The following FUT8 variants were observed in gnomAD, a reference collection of about 807,000 sequenced individuals.
The protein encoded by FUT8 is alpha-(1,6)-fucosyltransferase.
In FUT8, 29 loss-of-function variants were observed where a neutral mutation model predicts 71.3. That is an observed-to-expected ratio of 0.41 (90% CI 0.30 to 0.55). The LOEUF is 0.55. Among genes scored for constraint, FUT8 ranks in the 20% least tolerant of loss-of-function variants. The probability of loss-of-function intolerance (pLI) is 0.34; values close to 1 mark genes in which losing one functional copy is unlikely to be tolerated. For synonymous variants in FUT8, 254 were observed against 239.3 expected (o/e 1.06, Z -0.57); for missense variants, 544 against 702.1 (o/e 0.77, Z 2.55).
At chr14:65,564,906 A>C (rs1886106771) in intron 3 of FUT8, among the ~76,000 whole-genome samples, 3 of 152,112 alleles carry the variant, frequency 2.0e-5, no homozygotes, top group Admixed American at 1.3e-4. Context: ...AATGTTGAGT[A>C]GTATTCCGTT....
chr14:65,508,761 C>T (rs1279399588), intron 2 of FUT8, among the ~76,000 whole-genome samples: 1 of 152,088 alleles, frequency 6.6e-6, no homozygotes, highest in Non-Finnish European at 1.5e-5. Flanking sequence ...TTCCGCCTCC[C>T]AAAGTGCTGG....
intron 9 of FUT8, among the ~76,000 whole-genome samples, chr14:65,730,421 C>G (rs1235103529): frequency 6.6e-6 from 1 of 152,182 alleles, no homozygotes; most frequent in African/African-American, 2.4e-5. Context: ...CGATTGTAAT[C>G]CCAGCACTTT....
Position 65,742,521 on chromosome 14 carries a change from A to T in FUT8, c.*111A>T. 1 of 854,306 alleles carries T rather than the reference A, an allele frequency of 1.2e-6. No homozygotes were observed. 52.9% of individuals were successfully genotyped at this position (854,306 alleles called of 1,614,324 possible). On this transcript the variant is annotated 3_prime_UTR_variant, in exon 11 of 11. Coordinates refer to ENST00000673929, the MANE Select transcript of FUT8 (RefSeq NM_001371533.1). ...CTCTGATCTAACAAAATAAGGTTAT[A>T]TGAGTAGATACTCTCAGCACCAAGA... is the stretch of plus-strand genomic sequence containing the variant.
chr14:65,492,571 C>T (rs1344326228), intron 2 of FUT8, among the ~76,000 whole-genome samples: 2 of 152,120 alleles, frequency 1.3e-5, no homozygotes, highest in Admixed American at 6.6e-5. Context: ...GTCTCAGCGC[C>T]TACTCTGGCT....
At chr14:65,676,030 A>T (rs556241661) in intron 7 of FUT8, among the ~76,000 whole-genome samples, 2 of 152,240 alleles carry the variant, frequency 1.3e-5, no homozygotes, top group South Asian at 4.1e-4. Flanking sequence ...TAAATGTAAT[A>T]AACAAAACCT....
At chr14:65,610,742 TC>T (rs1347293922) in intron 3 of FUT8, among the ~76,000 whole-genome samples, 1 of 151,968 alleles carries the variant, frequency 6.6e-6, no homozygotes, top group African/African-American at 2.4e-5. Context: ...AAGTCCTTTT[TC>T]TGAGTGTATT....
rs1378430231 is a variant in FUT8, at chr14:65,439,954, G to GTACATATATATATATA, written c.-325-15665_-325-15664insCATATATATATATATA. 4.3e-4 allele frequency among the ~76,000 whole-genome samples: 32 copies of GTACATATATATATATA among 74,974 alleles called. 1 individual carries two copies. The East Asian group carries it at 0.012, about 29-fold the overall frequency. The allele number at this position is 74,974 out of a possible 152,430, so 49.2% of individuals were successfully genotyped here. On this transcript the variant is annotated intron_variant, in intron 1 of 10. Transcript: ENST00000673929. ...ATAAAGAAAATGTGTGTGTGTGTGT[G>GTACATATATATATATA]TATATATATATATATATATATATAT...
chr14:65,609,033 G>A (rs1340560275), intron 3 of FUT8, among the ~76,000 whole-genome samples: 1 of 151,846 alleles, frequency 6.6e-6, no homozygotes, highest in African/African-American at 2.4e-5. Context: ...AGTGGCTCAT[G>A]TCTGTAATCT....
intron 7 of FUT8, among the ~76,000 whole-genome samples, chr14:65,686,450 G>A (rs887811486): frequency 6.6e-6 from 1 of 152,152 alleles, no homozygotes; most frequent in Admixed American, 6.5e-5. Context: ...CATTATCATG[G>A]AACTGTGGTT....
At chr14:65,357,215 T>A in the FUT8 span, among the ~76,000 whole-genome samples, 1 of 152,190 alleles carries the variant, frequency 6.6e-6, no homozygotes, top group Admixed American at 6.5e-5. Context: ...CTTGGAAGAG[T>A]GCTTGTCACA....
chr14:65,447,107 G>T (rs1260256672), intron 1 of FUT8, among the ~76,000 whole-genome samples: 2 of 151,270 alleles, frequency 1.3e-5, no homozygotes, highest in East Asian at 3.9e-4. Flanking sequence ...TTTCCCTTCT[G>T]GGTGGTGAAA....
At chr14:65,608,438 C>T (rs925211978) in intron 3 of FUT8, among the ~76,000 whole-genome samples, 2 of 151,782 alleles carry the variant, frequency 1.3e-5, no homozygotes, top group African/African-American at 2.4e-5. Flanking sequence ...CTCAGAGAGC[C>T]GTGTAATCAT....
chr14:65,446,869 A>G (rs376656444), intron 1 of FUT8, among the ~76,000 whole-genome samples: 2 of 147,992 alleles, frequency 1.4e-5, no homozygotes, highest in African/African-American at 2.5e-5. Context: ...GAGTTTTGCT[A>G]TGTTGCCCAA....
At chr14:65,532,328 A>G (rs754201796) in intron 2 of FUT8, among the ~76,000 whole-genome samples, 5 of 152,086 alleles carry the variant, frequency 3.3e-5, no homozygotes, top group Non-Finnish European at 5.9e-5. Flanking sequence ...CTAATGTGAG[A>G]TGGTATATCA....
the FUT8 span, among the ~76,000 whole-genome samples, chr14:65,399,844 C>A: frequency 6.6e-6 from 1 of 152,124 alleles, no homozygotes; most frequent in Non-Finnish European, 1.5e-5. Flanking sequence ...CATTGGAAAC[C>A]ATTTGCAAGA....
chr14:65,554,743 CGGTGCTGGAGTCTTTCCTCTGT>C (rs1219217125), intron 2 of FUT8, among the ~76,000 whole-genome samples: 16 of 152,048 alleles, frequency 1.1e-4, no homozygotes, highest in Non-Finnish European at 1.6e-4. Context: ...TTTGGAGCCT[CGGTGCTGGAGTCTTTCCTCTGT>C]GTTCCAGCTC....
At chr14:65,683,074 C>T (rs1445156271) in intron 7 of FUT8, among the ~76,000 whole-genome samples, 1 of 150,226 alleles carries the variant, frequency 6.7e-6, no homozygotes, top group African/African-American at 2.5e-5. Flanking sequence ...AGTGCAGTGG[C>T]ACCATCTCGG....
chr14:65,424,371 C>G (rs1046494059), intron 1 of FUT8, among the ~76,000 whole-genome samples: 1 of 152,036 alleles, frequency 6.6e-6, no homozygotes, highest in African/African-American at 2.4e-5. Flanking sequence ...CTCTCAGTGT[C>G]AAATGCCACC....
intron 3 of FUT8, among the ~76,000 whole-genome samples, chr14:65,601,883 A>G (rs985580312): frequency 6.6e-6 from 1 of 152,196 alleles, no homozygotes; most frequent in African/African-American, 2.4e-5. Flanking sequence ...CTCAGATTGA[A>G]CAAGTATTGA....
Sources: gnomAD v4.1 joint callset for allele counts (sites outside exome capture counted in the v4.1 genomes callset) on GRCh38, gnomAD v4.1.1 for gene constraint, MANE v1.5 for transcripts, NCBI Gene and HGNC (gene_info 2026-07-23, HGNC 2026-07-21) for gene names.